The following ATF2 variants were observed in gnomAD, a reference collection of about 807,000 sequenced individuals.
ATF2 encodes the protein activating transcription factor 2.
Under a neutral mutation model 60.6 loss-of-function variants are expected in ATF2, and 24 were observed. The ratio of observed to expected loss-of-function variants is 0.40; its 90% CI spans 0.29 to 0.56. The LOEUF (loss-of-function observed/expected upper bound fraction) is 0.56. Among genes scored for constraint, ATF2 ranks in the 20% least tolerant of loss-of-function variants. The pLI is 0.54. For missense variants in ATF2, 433 were observed against 607.7 expected, an observed-to-expected ratio of 0.71 and a Z score of 3.02; for synonymous variants, 206 against 215.4, an observed-to-expected ratio of 0.96 and a Z score of 0.38.
At chr2:175,096,791 G>A (rs1294729160) in intron 11 of ATF2, among the ~76,000 whole-genome samples, 1 of 152,166 alleles carries the variant, frequency 6.6e-6, no homozygotes, top group Non-Finnish European at 1.5e-5. Flanking sequence ...GTAAGATTTA[G>A]TTACATACAT....
intron 1 of ATF2, among the ~76,000 whole-genome samples, chr2:175,161,170 AT>A (rs1440579974): frequency 6.6e-6 from 1 of 152,244 alleles, no homozygotes; most frequent in African/African-American, 2.4e-5. Context: ...GAACAAAAAA[AT>A]ATGAGACATT....
intron 2 of ATF2, among the ~76,000 whole-genome samples, chr2:175,149,654 G>T (rs1025115638): frequency 4.6e-5 from 7 of 152,134 alleles, no homozygotes; most frequent in African/African-American, 1.7e-4. Context: ...TGAGAGTCAA[G>T]GATCAGTTAT....
intron 9 of ATF2, 37 bp from the exon 10 acceptor site, chr2:175,111,691 T>C (rs759929876): frequency 2.6e-6 from 4 of 1,545,438 alleles, no homozygotes; most frequent in Non-Finnish European, 3.6e-6. Context: ...TGCTAGAGAA[T>C]ATATTCAAAA....
At chr2:175,104,639 G>A (rs533697124) in intron 10 of ATF2, among the ~76,000 whole-genome samples, 1 of 152,216 alleles carries the variant, frequency 6.6e-6, no homozygotes, top group Admixed American at 6.5e-5. Flanking sequence ...CATTAAGAAA[G>A]CTCTGTGCAC....
chr2:175,166,954 T>A (rs976083372), intron 1 of ATF2, among the ~76,000 whole-genome samples: 1 of 152,170 alleles, frequency 6.6e-6, no homozygotes, highest in Non-Finnish European at 1.5e-5. Context: ...AACCTGAAGG[T>A]ACATGTAAAG....
At chr2:175,079,740 T>TA (rs748445756) in intron 13 of ATF2, among the ~76,000 whole-genome samples, 4 of 152,162 alleles carry the variant, frequency 2.6e-5, no homozygotes, top group Admixed American at 6.5e-5. Flanking sequence ...TTGCATCCAA[T>TA]ACAAAATGTT....
chr2:175,097,681 G>T, intron 10 of ATF2, 88 bp from the exon 11 acceptor site: 1 of 1,395,026 alleles, frequency 7.2e-7, no homozygotes, highest in Non-Finnish European at 9.9e-7. Context: ...ACCTTGGGTA[G>T]TTTCCCTGAG....
At chr2:175,094,579 T>G (rs1444617152) in intron 11 of ATF2, among the ~76,000 whole-genome samples, 1 of 152,138 alleles carries the variant, frequency 6.6e-6, no homozygotes, top group Non-Finnish European at 1.5e-5. Flanking sequence ...ATTTGTTTTC[T>G]CCTAATCTAT....
chr2:175,165,439 G>A (rs1166398650), intron 1 of ATF2, among the ~76,000 whole-genome samples: 1 of 152,116 alleles, frequency 6.6e-6, no homozygotes, highest in African/African-American at 2.4e-5. Flanking sequence ...GATCTAACAC[G>A]ATCTAACAAT....
chr2:175,107,168 G>A (rs188230773), intron 10 of ATF2, among the ~76,000 whole-genome samples: 3 of 152,076 alleles, frequency 2.0e-5, no homozygotes, highest in East Asian at 3.9e-4. Flanking sequence ...TTTTTTAAAT[G>A]GGCAAAAGAC....
intron 2 of ATF2, among the ~76,000 whole-genome samples, chr2:175,137,981 T>A (rs1011701715): frequency 6.6e-6 from 1 of 152,204 alleles, no homozygotes; most frequent in Non-Finnish European, 1.5e-5. Flanking sequence ...TTATCTCCTT[T>A]TTATTGCAGT....
intron 2 of ATF2, among the ~76,000 whole-genome samples, chr2:175,144,612 T>A (rs542646255): frequency 6.6e-6 from 1 of 152,224 alleles, no homozygotes; most frequent in Non-Finnish European, 1.5e-5. Context: ...ACAGGCTACC[T>A]GAGGGCAGCC....
chr2:175,115,592 T>C (rs923291996), intron 7 of ATF2, among the ~76,000 whole-genome samples: 9 of 152,206 alleles, frequency 5.9e-5, no homozygotes, highest in African/African-American at 1.4e-4. Flanking sequence ...ATTGGGTCTA[T>C]GGTGTTTTAT....
At chr2:175,159,311 T>TC in intron 1 of ATF2, among the ~76,000 whole-genome samples, 1 of 149,894 alleles carries the variant, frequency 6.7e-6, no homozygotes. Flanking sequence ...AGAGCAAGAC[T>TC]CCGTCTCAAA....
In ATF2 at chr2:175,136,471, T is replaced by A; in HGVS notation, c.-28A>T. 1 of 1,600,326 alleles carries A rather than the reference T, an allele frequency of 6.2e-7. No homozygotes were observed. Among genetic ancestry groups the A allele is most frequent in the Non-Finnish European group, 8.5e-7 (1 of 1,171,024 alleles). On this transcript the variant is annotated 5_prime_UTR_variant, in exon 3 of 14. Transcript: ENST00000264110. ...GTTGAATAACTTATCACATTCTTTTTCTCATGGCAAGAATACTGAAAAACA... is the reference window on the plus strand; with the variant it reads ...GTTGAATAACTTATCACATTCTTTTACTCATGGCAAGAATACTGAAAAACA...
At chr2:175,142,114 A>G (rs1464325984) in intron 2 of ATF2, among the ~76,000 whole-genome samples, 1 of 151,790 alleles carries the variant, frequency 6.6e-6, no homozygotes, top group African/African-American at 2.4e-5. Context: ...AACTGAGAAC[A>G]CTTGCTTGAT....
At chr2:175,075,914 G>A (rs940737129) in intron 13 of ATF2, among the ~76,000 whole-genome samples, 1 of 152,120 alleles carries the variant, frequency 6.6e-6, no homozygotes, top group African/African-American at 2.4e-5. Flanking sequence ...TTTGCACCTT[G>A]CTTTTTTCAC....
At chr2:175,100,233 G>A (rs989254959) in intron 10 of ATF2, among the ~76,000 whole-genome samples, 1 of 152,176 alleles carries the variant, frequency 6.6e-6, no homozygotes, top group African/African-American at 2.4e-5. Context: ...TCCTTGCAGA[G>A]TTGAATTGAA....
At chr2:175,080,788 A>G (rs753621829) in intron 12 of ATF2, 23 bp from the exon 13 acceptor site, 16 of 1,562,610 alleles carry the variant, frequency 1.0e-5, no homozygotes, top group African/African-American at 1.4e-5. Flanking sequence ...CAACTTATGT[A>G]CCTTACCACA....
Sources: gnomAD v4.1 joint callset for allele counts (sites outside exome capture counted in the v4.1 genomes callset) on GRCh38, gnomAD v4.1.1 for gene constraint, MANE v1.5 for transcripts, NCBI Gene and HGNC (gene_info 2026-07-23, HGNC 2026-07-21) for gene names.